The following DOCK8 variants were observed in gnomAD, a reference collection of about 807,000 sequenced individuals.
DOCK8 encodes the protein dedicator of cytokinesis protein 8.
DOCK8 carries 141 observed loss-of-function variants against 245.6 expected under a neutral mutation model. The observed-to-expected ratio is 0.57, with a 90% CI of 0.50 to 0.66. The LOEUF (loss-of-function observed/expected upper bound fraction) is 0.66, where lower values mean the gene tolerates loss of function less well. Among genes scored for constraint, DOCK8 ranks in the 30% least tolerant of loss-of-function variants. The pLI is 0.00. For synonymous variants in DOCK8, 1,168 were observed against 970.2 expected, an observed-to-expected ratio of 1.20 and a Z score of -3.79; for missense variants, 2,965 against 2,603.4, an observed-to-expected ratio of 1.14 and a Z score of -3.02.
intron 9 of DOCK8, among the ~76,000 whole-genome samples, chr9:330,395 T>C (rs1275935819): frequency 6.6e-6 from 1 of 152,172 alleles, no homozygotes; most frequent in Non-Finnish European, 1.5e-5. Context: ...CCTAGCACTT[T>C]AGAAGTCTTG....
chr9:266,776 C>T (rs2048043972), intron 1 of DOCK8, among the ~76,000 whole-genome samples: 1 of 152,140 alleles, frequency 6.6e-6, no homozygotes, highest in Admixed American at 6.5e-5. Flanking sequence ...CCCAAGGCTC[C>T]CTTCCGGGAG....
At chr9:367,035 T>C (rs1180912278) in intron 14 of DOCK8, among the ~76,000 whole-genome samples, 1 of 152,204 alleles carries the variant, frequency 6.6e-6, no homozygotes, top group African/African-American at 2.4e-5. Context: ...TGGGGTGTAT[T>C]ACCTAACATC....
intron 1 of DOCK8, among the ~76,000 whole-genome samples, chr9:230,234 T>G (rs2047080298): frequency 1.3e-5 from 2 of 152,116 alleles, no homozygotes; most frequent in Non-Finnish European, 2.9e-5. Context: ...GGACACAAAC[T>G]CATCATCTTT....
At chr9:439,458 C>A in intron 40 of DOCK8, 70 bp downstream of exon 40, 2 of 1,590,824 alleles carry the variant, frequency 1.3e-6, no homozygotes, top group Admixed American at 1.7e-5. Context: ...GCTGGGAACA[C>A]CTGGTCTTAA....
At chr9:385,585 C>G (rs1285217151) in intron 22 of DOCK8, among the ~76,000 whole-genome samples, 3 of 152,200 alleles carry the variant, frequency 2.0e-5, no homozygotes, top group African/African-American at 7.2e-5. Flanking sequence ...CACTGCATTT[C>G]TATGACATCG....
intron 14 of DOCK8, among the ~76,000 whole-genome samples, chr9:341,697 A>G (rs2130934501): frequency 6.6e-6 from 1 of 152,200 alleles, no homozygotes; most frequent in South Asian, 2.1e-4. Flanking sequence ...ATGACTTCAC[A>G]CTCTAGGTCA....
chr9:440,827 C>T (rs542540934), intron 40 of DOCK8, among the ~76,000 whole-genome samples: 7 of 152,180 alleles, frequency 4.6e-5, no homozygotes, highest in Admixed American at 3.3e-4. Flanking sequence ...CAGCCTTGAC[C>T]TCCTGGGCTC....
intron 40 of DOCK8, 120 bp from the exon 41 acceptor site, chr9:441,166 A>G (rs2057082531): frequency 2.0e-6 from 3 of 1,465,576 alleles, no homozygotes; most frequent in Admixed American, 1.7e-5. Flanking sequence ...GCCCTGTGAA[A>G]TACTGTGATA....
upstream of DOCK8, chr9:214,813 CG>C (rs781418350): frequency 5.0e-6 from 8 of 1,594,500 alleles, no homozygotes; most frequent in South Asian, 6.8e-5. Context: ...GACCCTCCCC[CG>C]GGGTGATTTC....
At chr9:388,382 A>G (rs1007455620) in intron 23 of DOCK8, among the ~76,000 whole-genome samples, 2 of 152,184 alleles carry the variant, frequency 1.3e-5, no homozygotes, top group Non-Finnish European at 2.9e-5. Flanking sequence ...ACACCTAAGC[A>G]TTCTCCATTC....
intron 1 of DOCK8, among the ~76,000 whole-genome samples, chr9:234,716 C>T (rs898725650): frequency 9.2e-5 from 14 of 152,294 alleles, no homozygotes; most frequent in Non-Finnish European, 1.3e-4. Flanking sequence ...GCATTCATCA[C>T]GTAGCTCTTT....
chr9:281,889 A>G (rs1437079579), intron 2 of DOCK8, among the ~76,000 whole-genome samples: 1 of 152,214 alleles, frequency 6.6e-6, no homozygotes, highest in Non-Finnish European at 1.5e-5. Context: ...TTCAGTGTAG[A>G]AAGAGTAGGG....
At chr9:278,267 T>G (rs932744874) in intron 2 of DOCK8, among the ~76,000 whole-genome samples, 1 of 152,240 alleles carries the variant, frequency 6.6e-6, no homozygotes, top group South Asian at 2.1e-4. Context: ...AGTGCTAGAT[T>G]GTTGTTGTTG....
chr9:276,178 A>G lies in DOCK8; in HGVS notation c.156+4449A>G, dbSNP rs367892678. Reference sequence around the variant, plus strand: ...AGTGCTGGGATTACAGGCTTGAGCCACTGCGCTCGGCCCATTTAAAAAAAC... The same window carrying G: ...AGTGCTGGGATTACAGGCTTGAGCCGCTGCGCTCGGCCCATTTAAAAAAAC... On this transcript the variant is annotated intron_variant, in intron 2 of 47. Transcript: ENST00000432829. 1.5e-4 allele frequency among the ~76,000 whole-genome samples: 22 copies of G among 150,620 alleles called. No homozygotes were observed. In the South Asian group the frequency reaches 4.4e-3, roughly 30 times the overall value.
At chr9:372,682 A>C (rs2053346979) in intron 18 of DOCK8, among the ~76,000 whole-genome samples, 1 of 152,172 alleles carries the variant, frequency 6.6e-6, no homozygotes, top group Admixed American at 6.5e-5. Context: ...CCTCCGGTAG[A>C]TACCAAGGTA....
At chr9:294,006 T>C (rs187489334) in intron 4 of DOCK8, among the ~76,000 whole-genome samples, 16 of 152,338 alleles carry the variant, frequency 1.1e-4, no homozygotes, top group Admixed American at 9.1e-4. Flanking sequence ...AGCTTCCAGA[T>C]CTTTTCATAC....
At chr9:325,446 C>T (rs569401349) in intron 7 of DOCK8, among the ~76,000 whole-genome samples, 1 of 152,268 alleles carries the variant, frequency 6.6e-6, no homozygotes, top group East Asian at 1.9e-4. Flanking sequence ...AAATATCCAC[C>T]ATGCTTTTGT....
chr9:312,636 G>A (rs2050176290), intron 6 of DOCK8: 1 of 358,816 alleles, frequency 2.8e-6, no homozygotes, highest in Admixed American at 3.8e-5. Flanking sequence ...TTCAGGCTAG[G>A]ATAATCACAG....
rs185447213 is a variant in DOCK8, at chr9:287,342, T to C, written c.332+706T>C. ...TGGAATTGTAGCTAAATGAAACGCC[T>C]GTTGCTTCTAAAATGTAAAAAAAAA... On this transcript the variant is annotated intron_variant, in intron 3 of 47. Coordinates refer to ENST00000432829, the MANE Select transcript of DOCK8 (RefSeq NM_203447.4). Among the ~76,000 whole-genome samples, 28 of 152,324 alleles carry C rather than the reference T, an allele frequency of 1.8e-4. 1 individual carries two copies. The highest frequency in any genetic ancestry group is 3.4e-3 in the Middle Eastern group (1 of 294).
Sources: gnomAD v4.1 joint callset for allele counts (sites outside exome capture counted in the v4.1 genomes callset) on GRCh38, gnomAD v4.1.1 for gene constraint, MANE v1.5 for transcripts, NCBI Gene and HGNC (gene_info 2026-07-23, HGNC 2026-07-21) for gene names.